LRRC4C: variants seen among roughly 807,000 people sequenced by gnomAD.
LRRC4C encodes the protein leucine-rich repeat-containing protein 4C.
A neutral mutation model predicts 33.6 loss-of-function variants in LRRC4C; 5 were observed. The observed-to-expected ratio is 0.15, with a 90% CI of 0.08 to 0.31. LRRC4C has a LOEUF of 0.31. Among genes scored for constraint, LRRC4C ranks in the 10% least tolerant of loss-of-function variants. The pLI is 1.00. For synonymous variants in LRRC4C, 329 were observed against 302.0 expected, an observed-to-expected ratio of 1.09 and a Z score of -0.93; for missense variants, 560 against 796.7, an observed-to-expected ratio of 0.70 and a Z score of 3.58.
At chr11:40,704,325 T>C (rs1946032893) in intron 2 of LRRC4C, among the ~76,000 whole-genome samples, 1 of 152,156 alleles carries the variant, frequency 6.6e-6, no homozygotes, top group Non-Finnish European at 1.5e-5. Flanking sequence ...ATTTATATTT[T>C]TATATTTGAG....
intron 1 of LRRC4C, among the ~76,000 whole-genome samples, chr11:41,405,747 G>A (rs1954208262): frequency 6.6e-6 from 1 of 152,052 alleles, no homozygotes; most frequent in Non-Finnish European, 1.5e-5. Context: ...AATTCTTTTA[G>A]GGGCAGGGGA....
chr11:40,699,961 T>C (rs978928046), intron 2 of LRRC4C, among the ~76,000 whole-genome samples: 2 of 152,180 alleles, frequency 1.3e-5, no homozygotes, highest in Admixed American at 6.5e-5. Context: ...AGCTTCTTAG[T>C]AGAGGAGAAA....
At chr11:40,723,410 C>T (rs1472723627) in intron 2 of LRRC4C, among the ~76,000 whole-genome samples, 1 of 152,098 alleles carries the variant, frequency 6.6e-6, no homozygotes, top group Admixed American at 6.5e-5. Context: ...CAGCAGATTT[C>T]TCAGCAGGAA....
intron 3 of LRRC4C, among the ~76,000 whole-genome samples, chr11:40,599,552 A>T (rs774236827): frequency 2.0e-5 from 3 of 152,134 alleles, no homozygotes; most frequent in Non-Finnish European, 4.4e-5. Flanking sequence ...GCCTCTCTGA[A>T]ATTACCTTAT....
At chr11:40,561,626 A>G (rs931109347) in intron 3 of LRRC4C, among the ~76,000 whole-genome samples, 14 of 151,662 alleles carry the variant, frequency 9.2e-5, no homozygotes, top group African/African-American at 3.4e-4. Flanking sequence ...GTTAGCTAGG[A>G]TGGTCTCGAT....
intron 1 of LRRC4C, among the ~76,000 whole-genome samples, chr11:41,272,577 G>T (rs1165783140): frequency 2.0e-5 from 3 of 152,172 alleles, no homozygotes; most frequent in African/African-American, 7.2e-5. Context: ...TTCAAACCAT[G>T]CTAGCTCTTA....
intron 3 of LRRC4C, among the ~76,000 whole-genome samples, chr11:40,405,726 T>TC (rs1949941495): frequency 1.3e-5 from 2 of 150,016 alleles, no homozygotes; most frequent in Non-Finnish European, 3.0e-5. Flanking sequence ...AAAAGAAGTT[T>TC]TGAGAAACTT....
At chr11:41,436,873 A>G (rs1955446533) in intron 1 of LRRC4C, among the ~76,000 whole-genome samples, 1 of 152,204 alleles carries the variant, frequency 6.6e-6, no homozygotes, top group African/African-American at 2.4e-5. Context: ...AATGCCCTAC[A>G]TTTAAGAAGG....
chr11:41,214,575 C>CAAAAAAAAAAAAAAAAAAAA (rs547167050), intron 1 of LRRC4C, among the ~76,000 whole-genome samples: 2 of 34,770 alleles, frequency 5.8e-5, no homozygotes, highest in African/African-American at 2.4e-4. Flanking sequence ...ACTAAAAATA[C>CAAAAAAAAAAAAAAAAAAAA]AAAAAAAAAA....
chr11:41,244,018 G>C (rs766755363), intron 1 of LRRC4C, among the ~76,000 whole-genome samples: 3 of 152,106 alleles, frequency 2.0e-5, no homozygotes, highest in Non-Finnish European at 4.4e-5. Flanking sequence ...TGTTTACCAA[G>C]TTAAAACGGG....
chr11:40,953,921 A>C (rs1958834157), intron 1 of LRRC4C, among the ~76,000 whole-genome samples: 1 of 151,872 alleles, frequency 6.6e-6, no homozygotes, highest in Non-Finnish European at 1.5e-5. Context: ...TACATGATAT[A>C]ATTCTTAACT....
intron 3 of LRRC4C, among the ~76,000 whole-genome samples, chr11:40,325,730 C>T (rs140643014): frequency 6.6e-6 from 1 of 151,938 alleles, no homozygotes; most frequent in Non-Finnish European, 1.5e-5. Context: ...TCATCAACAC[C>T]AGGCAGCTAA....
intron 3 of LRRC4C, among the ~76,000 whole-genome samples, chr11:40,419,546 A>G (rs909662027): frequency 6.6e-6 from 1 of 152,178 alleles, no homozygotes; most frequent in Admixed American, 6.5e-5. Context: ...AGAATTTTAT[A>G]TTGAGCAAAA....
chr11:40,593,633 A>C (rs750533706), intron 3 of LRRC4C, among the ~76,000 whole-genome samples: 1 of 152,210 alleles, frequency 6.6e-6, no homozygotes, highest in African/African-American at 2.4e-5. Context: ...TCTAAAGGAA[A>C]TGATTACCTG....
At chr11:41,070,153 A>C (rs1938568513) in intron 1 of LRRC4C, among the ~76,000 whole-genome samples, 1 of 152,220 alleles carries the variant, frequency 6.6e-6, no homozygotes, top group Non-Finnish European at 1.5e-5. Flanking sequence ...ACCTGACAAA[A>C]ACAAACAATG....
intron 2 of LRRC4C, among the ~76,000 whole-genome samples, chr11:40,840,596 T>C (rs1409107463): frequency 6.6e-6 from 1 of 152,180 alleles, no homozygotes; most frequent in African/African-American, 2.4e-5. Context: ...CCGTTTACCA[T>C]CTGGTGATAC....
At chr11:41,038,723 C>G (rs912499949) in intron 1 of LRRC4C, among the ~76,000 whole-genome samples, 2 of 152,134 alleles carry the variant, frequency 1.3e-5, no homozygotes, top group Non-Finnish European at 2.9e-5. Flanking sequence ...AAACTAGAAA[C>G]ATGTGCACAC....
chr11:40,699,457 T>A (rs753211389), intron 2 of LRRC4C, among the ~76,000 whole-genome samples: 3 of 152,140 alleles, frequency 2.0e-5, no homozygotes, highest in South Asian at 2.1e-4. Flanking sequence ...ATTATGAGAA[T>A]GAGGAAACAA....
intron 5 of LRRC4C, among the ~76,000 whole-genome samples, chr11:40,174,536 C>G (rs781608609): frequency 1.3e-5 from 2 of 152,168 alleles, no homozygotes; most frequent in Non-Finnish European, 2.9e-5. Flanking sequence ...TGTCTCAGTA[C>G]CGTGTGTGCA....
Sources: allele counts gnomAD v4.1 joint callset (sites outside exome capture counted in the v4.1 genomes callset), GRCh38; gene constraint gnomAD v4.1.1; transcripts MANE v1.5; gene names NCBI Gene and HGNC (gene_info 2026-07-23, HGNC 2026-07-21).